Variants in PRKCB observed in about 807,000 individuals in gnomAD.
PRKCB encodes protein kinase C beta type.
In PRKCB, 13 loss-of-function variants were observed where a neutral mutation model predicts 81.5. The observed-to-expected ratio is 0.16, with a 90% CI of 0.10 to 0.25. The LOEUF (loss-of-function observed/expected upper bound fraction) is 0.25, where lower values mean the gene tolerates loss of function less well. Ranked by LOEUF, PRKCB falls within the 10% of genes least tolerant of loss-of-function variation. The pLI is 1.00. For missense variants in PRKCB, 509 were observed against 875.7 expected (o/e 0.58, Z 5.29); for synonymous variants, 335 against 321.4 (o/e 1.04, Z -0.45).
chr16:23,929,008 C>T (rs968877927), intron 2 of PRKCB, among the ~76,000 whole-genome samples: 28 of 151,986 alleles, frequency 1.8e-4, no homozygotes, highest in African/African-American at 6.5e-4. Context: ...TGAGCCACTG[C>T]GCCAGGCCTG....
intron 1 of PRKCB, among the ~76,000 whole-genome samples, 166 bp downstream of exon 1, chr16:23,836,514 G>A (rs1369520550): frequency 6.6e-6 from 1 of 152,076 alleles, no homozygotes; most frequent in Non-Finnish European, 1.5e-5. Flanking sequence ...CGGATGGACA[G>A]TCCTGCCGTT....
At chr16:24,107,072 A>G (rs926731479) in intron 7 of PRKCB, among the ~76,000 whole-genome samples, 1 of 152,178 alleles carries the variant, frequency 6.6e-6, no homozygotes, top group African/African-American at 2.4e-5. Context: ...TCATTGACTA[A>G]TTGTTATCTG....
intron 2 of PRKCB, among the ~76,000 whole-genome samples, chr16:23,866,655 C>T (rs1411546977): frequency 6.6e-6 from 1 of 152,170 alleles, no homozygotes; most frequent in Non-Finnish European, 1.5e-5. Flanking sequence ...CATCTTTCTA[C>T]ACATCTCATC....
At position 24,216,936 on chromosome 16, in the gene PRKCB, A is replaced by G. The variant is rs895784968; in HGVS notation, c.*2120A>G. On this transcript the variant is annotated 3_prime_UTR_variant, in exon 17 of 17. Transcript: ENST00000643927. ...GCAAGGCAGCAGACATCTCTGAGCCAGGCCCACCAACAGGCCCTTATCTGG... is the reference window on the plus strand; with the variant it reads ...GCAAGGCAGCAGACATCTCTGAGCCGGGCCCACCAACAGGCCCTTATCTGG... The G allele has an allele frequency of 3.0e-6, 3 of 985,326 alleles. No homozygotes were observed. In the African/African-American group the frequency reaches 5.2e-5, roughly 17 times the overall value. 61.0% of individuals were successfully genotyped at this position (985,326 alleles called of 1,614,324 possible). A position where few individuals can be genotyped will look rare whatever the true frequency, so the allele number is the denominator to read the frequency against.
At chr16:24,137,715 G>GT (rs1441923062) in intron 9 of PRKCB, among the ~76,000 whole-genome samples, 1 of 152,074 alleles carries the variant, frequency 6.6e-6, no homozygotes, top group African/African-American at 2.4e-5. Flanking sequence ...TACAGTCCTG[G>GT]TAAAATGAAT....
chr16:24,153,508 A>G lies in PRKCB; in HGVS notation c.1066-1176A>G, dbSNP rs969801903. Reference sequence around the variant, plus strand: ...CTTTCTTCCTCCAGGAAGCCTTCCTAGAAGTCCCCAAACCAGGTTAGGACT... The same window carrying G: ...CTTTCTTCCTCCAGGAAGCCTTCCTGGAAGTCCCCAAACCAGGTTAGGACT... On this transcript the variant is annotated intron_variant, in intron 9 of 16. Transcript: ENST00000643927. Among the ~76,000 whole-genome samples, 9 of 152,304 alleles carry G rather than the reference A, an allele frequency of 5.9e-5. No homozygotes were observed. The East Asian group carries it at 1.7e-3, about 29-fold the overall frequency.
chr16:24,153,462 A>G lies in PRKCB; in HGVS notation c.1066-1222A>G, dbSNP rs1967108537. Reference sequence around the variant, plus strand: ...GCAAAATATCTGACACAGTGCATGCAGTGAATACTTCAATCTGATTCTTTC... The same window carrying G: ...GCAAAATATCTGACACAGTGCATGCGGTGAATACTTCAATCTGATTCTTTC... On this transcript the variant is annotated intron_variant, in intron 9 of 16. Coordinates refer to ENST00000643927, the MANE Select transcript of PRKCB (RefSeq NM_002738.7). 2.0e-5 allele frequency among the ~76,000 whole-genome samples: 3 copies of G among 152,258 alleles called. No individual in the cohort carries two copies. The South Asian group carries it at 6.2e-4, about 32-fold the overall frequency.
intron 9 of PRKCB, among the ~76,000 whole-genome samples, chr16:24,153,214 G>A (rs922192562): frequency 6.6e-6 from 1 of 152,166 alleles, no homozygotes; most frequent in Non-Finnish European, 1.5e-5. Flanking sequence ...TGGTCCTCCA[G>A]CTGAGTTGAG....
chr16:23,995,918 A>G (rs1413786986), intron 3 of PRKCB, among the ~76,000 whole-genome samples: 1 of 151,966 alleles, frequency 6.6e-6, no homozygotes, highest in Non-Finnish European at 1.5e-5. Flanking sequence ...ACAGCACTGT[A>G]GTCACTTTAG....
intron 3 of PRKCB, among the ~76,000 whole-genome samples, chr16:24,019,463 A>G (rs1965330378): frequency 6.6e-6 from 1 of 152,082 alleles, no homozygotes; most frequent in Non-Finnish European, 1.5e-5. Context: ...TGTTTGTTTC[A>G]CTTAAAAAAT....
chr16:24,127,745 G>A (rs1966847067), intron 9 of PRKCB, among the ~76,000 whole-genome samples: 1 of 152,184 alleles, frequency 6.6e-6, no homozygotes, highest in Admixed American at 6.5e-5. Context: ...CCAGACTGGA[G>A]ATATAGCATC....
At chr16:23,939,098 G>A (rs902759927) in intron 2 of PRKCB, among the ~76,000 whole-genome samples, 2 of 152,076 alleles carry the variant, frequency 1.3e-5, no homozygotes, top group East Asian at 1.9e-4. Flanking sequence ...CAATGAATAC[G>A]GGAAGACTGA....
intron 2 of PRKCB, among the ~76,000 whole-genome samples, chr16:23,897,306 G>A (rs1226535147): frequency 1.3e-5 from 2 of 152,232 alleles, no homozygotes; most frequent in Non-Finnish European, 2.9e-5. Context: ...CCTGAAGGAA[G>A]TGGGGACTTC....
At position 24,214,859 on chromosome 16, in the gene PRKCB, T is replaced by G; in HGVS notation, c.*43T>G. ...CGTCCTTCATTTCTGTCATTCAAGC[T>G]CAACGGCTATTGTGGTGACATTTTT... On this transcript the variant is annotated 3_prime_UTR_variant, in exon 17 of 17. Transcript: ENST00000643927. 6.2e-7 allele frequency: 1 copy of G among 1,602,078 alleles called. No individual in the cohort carries two copies. The highest frequency in any genetic ancestry group is 8.5e-7 in the Non-Finnish European group (1 of 1,173,746).
intron 16 of PRKCB, among the ~76,000 whole-genome samples, chr16:24,213,240 G>C (rs1025850767): frequency 1.3e-5 from 2 of 151,840 alleles, no homozygotes; most frequent in African/African-American, 2.4e-5. Context: ...TCATCATGTT[G>C]GCTAGGATGG....
chr16:24,121,602 C>A (rs1966799037), intron 8 of PRKCB, among the ~76,000 whole-genome samples: 1 of 152,080 alleles, frequency 6.6e-6, no homozygotes, highest in Non-Finnish European at 1.5e-5. Flanking sequence ...GTCTTGAACT[C>A]CTGGCCTCAA....
chr16:23,843,790 C>CAAAAAAAA (rs544908905), intron 2 of PRKCB, among the ~76,000 whole-genome samples: 1 of 113,882 alleles, frequency 8.8e-6, no homozygotes, highest in Non-Finnish European at 1.7e-5. Context: ...GTATCTAGGC[C>CAAAAAAAA]AAAAAAAAAA....
intron 5 of PRKCB, among the ~76,000 whole-genome samples, chr16:24,077,827 T>C (rs769621239): frequency 7.2e-5 from 11 of 152,218 alleles, no homozygotes; most frequent in Non-Finnish European, 1.5e-4. Context: ...AGAATGTGCC[T>C]CTCAGTTTTT....
At chr16:24,029,467 C>T (rs1277652705) in intron 3 of PRKCB, among the ~76,000 whole-genome samples, 1 of 152,170 alleles carries the variant, frequency 6.6e-6, no homozygotes, top group African/African-American at 2.4e-5. Context: ...TTTCCCTTCG[C>T]CTTCCACTAC....
Sources: allele counts gnomAD v4.1 joint callset (sites outside exome capture counted in the v4.1 genomes callset), GRCh38; gene constraint gnomAD v4.1.1; transcripts MANE v1.5; gene names NCBI Gene and HGNC (gene_info 2026-07-23, HGNC 2026-07-21).